The following ERBB4 variants were observed in gnomAD, a reference collection of about 807,000 sequenced individuals.
ERBB4 encodes the protein erb-b2 receptor tyrosine kinase 4.
ERBB4 carries 42 observed loss-of-function variants against 158.0 expected under a neutral mutation model. The observed-to-expected ratio is 0.27, with a 90% CI of 0.21 to 0.34. The LOEUF is 0.34. Ranked by LOEUF, ERBB4 falls within the 10% of genes least tolerant of loss-of-function variation. The pLI is 1.00. For synonymous variants in ERBB4, 583 were observed against 558.7 expected (o/e 1.04, Z -0.61); for missense variants, 1,333 against 1,624.1 (o/e 0.82, Z 3.08).
intron 2 of ERBB4, among the ~76,000 whole-genome samples, chr2:212,036,466 A>G (rs932820877): frequency 1.3e-5 from 2 of 148,276 alleles, no homozygotes; most frequent in African/African-American, 4.9e-5. Flanking sequence ...GGATAAATAC[A>G]TTCTTTTTTT....
At chr2:211,773,641 TATATATAATATATATAC>T (rs1559506471) in intron 4 of ERBB4, among the ~76,000 whole-genome samples, 3 of 87,656 alleles carry the variant, frequency 3.4e-5, no homozygotes, top group African/African-American at 1.3e-4. Flanking sequence ...TATATATATA[TATATATAATATATATAC>T]ACACACACAC....
intron 1 of ERBB4, among the ~76,000 whole-genome samples, chr2:212,213,256 A>G (rs1417625604): frequency 3.3e-5 from 5 of 152,086 alleles, no homozygotes; most frequent in Non-Finnish European, 7.4e-5. Flanking sequence ...GGAAAGGGAT[A>G]TGAACAGACA....
chr2:212,373,824 CATATAT>C (rs72314218), intron 1 of ERBB4, among the ~76,000 whole-genome samples: 12 of 75,060 alleles, frequency 1.6e-4, no homozygotes, highest in African/African-American at 5.0e-4. Flanking sequence ...TGTATATATC[CATATAT>C]ATATATATCC....
chr2:211,620,384 GA>G (rs1335394704), intron 18 of ERBB4, among the ~76,000 whole-genome samples: 3 of 151,986 alleles, frequency 2.0e-5, no homozygotes, highest in East Asian at 1.9e-4. Flanking sequence ...TAGTCATAAA[GA>G]AAAAAAATTC....
intron 2 of ERBB4, among the ~76,000 whole-genome samples, chr2:212,075,651 C>G (rs1482632280): frequency 6.6e-6 from 1 of 151,788 alleles, no homozygotes; most frequent in African/African-American, 2.4e-5. Context: ...TTATAAATTT[C>G]TTGAATGTAG....
chr2:211,477,391 T>G (rs2064981861), intron 20 of ERBB4, among the ~76,000 whole-genome samples: 2 of 152,208 alleles, frequency 1.3e-5, no homozygotes, highest in Admixed American at 1.3e-4. Context: ...TTGGTTTTGT[T>G]TCTCTGGAGA....
intron 1 of ERBB4, among the ~76,000 whole-genome samples, chr2:212,468,158 T>A (rs1052307745): frequency 6.6e-6 from 1 of 152,322 alleles, no homozygotes; most frequent in Middle Eastern, 3.4e-3. Context: ...CAGAAGGTAC[T>A]TGCCTTGTCT....
At chr2:212,124,951 T>G in intron 1 of ERBB4, 48 bp from the exon 2 acceptor site, 3 of 1,592,830 alleles carry the variant, frequency 1.9e-6, no homozygotes, top group Non-Finnish European at 2.6e-6. Context: ...CTTTATATGA[T>G]ATGCGCAATG....
intron 3 of ERBB4, among the ~76,000 whole-genome samples, chr2:211,929,185 G>T (rs776284060): frequency 1.3e-5 from 2 of 151,572 alleles, no homozygotes; most frequent in Non-Finnish European, 2.9e-5. Flanking sequence ...ACTGTGGCAG[G>T]TATCTCCACA....
intron 3 of ERBB4, among the ~76,000 whole-genome samples, chr2:211,858,189 T>C (rs573255396): frequency 6.6e-6 from 1 of 151,404 alleles, no homozygotes; most frequent in East Asian, 1.9e-4. Flanking sequence ...GGAGACAGAG[T>C]GCACAGTGAT....
At chr2:211,562,763 C>T (rs1173268758) in intron 19 of ERBB4, among the ~76,000 whole-genome samples, 2 of 143,960 alleles carry the variant, frequency 1.4e-5, no homozygotes, top group African/African-American at 5.5e-5. Flanking sequence ...AATTTGACTA[C>T]TCCAACTTTT....
intron 1 of ERBB4, among the ~76,000 whole-genome samples, chr2:212,466,440 A>G (rs555586798): frequency 6.6e-6 from 1 of 152,302 alleles, no homozygotes; most frequent in African/African-American, 2.4e-5. Context: ...GTGGGAGATG[A>G]CTGAATCACG....
chr2:211,703,353 C>T (rs1559436159), intron 11 of ERBB4, among the ~76,000 whole-genome samples: 1 of 152,134 alleles, frequency 6.6e-6, no homozygotes, highest in Non-Finnish European at 1.5e-5. Flanking sequence ...TTCTCCTTTA[C>T]ATTTTTAAAA....
At chr2:212,403,520 G>T (rs76626941) in intron 1 of ERBB4, among the ~76,000 whole-genome samples, 1 of 152,088 alleles carries the variant, frequency 6.6e-6, no homozygotes, top group East Asian at 1.9e-4. Flanking sequence ...AGTAAAATGT[G>T]TCATATACAT....
At chr2:212,163,785 T>G (rs2081271460) in intron 1 of ERBB4, among the ~76,000 whole-genome samples, 2 of 151,916 alleles carry the variant, frequency 1.3e-5, no homozygotes, top group Admixed American at 6.6e-5. Flanking sequence ...GTGCATGACA[T>G]ACTGATCAAT....
At chr2:212,043,472 A>G (rs1300841476) in intron 2 of ERBB4, among the ~76,000 whole-genome samples, 2 of 152,156 alleles carry the variant, frequency 1.3e-5, no homozygotes, top group African/African-American at 4.8e-5. Context: ...TGGTCTACTG[A>G]CAGATATTAA....
At chr2:212,375,483 G>C (rs1244446030) in intron 1 of ERBB4, among the ~76,000 whole-genome samples, 1 of 152,054 alleles carries the variant, frequency 6.6e-6, no homozygotes, top group Non-Finnish European at 1.5e-5. Flanking sequence ...CCACTTATGT[G>C]TGTGGTTCGT....
chr2:211,556,443 T>C lies in ERBB4; in HGVS notation c.2487+5460A>G, dbSNP rs190627873. Among the ~76,000 whole-genome samples, 3 of 152,312 alleles carry C rather than the reference T, an allele frequency of 2.0e-5. No homozygotes were observed. The East Asian group carries it at 5.8e-4, about 29-fold the overall frequency. Reference sequence around the variant, plus strand: ...TCAGCACTAGATTAAATGGATCTGATAGAAATCTACAGAAGTCTCCACCAA... The same window carrying C: ...TCAGCACTAGATTAAATGGATCTGACAGAAATCTACAGAAGTCTCCACCAA... On this transcript the variant is annotated intron_variant, in intron 20 of 27. Transcript: ENST00000342788.
intron 3 of ERBB4, among the ~76,000 whole-genome samples, chr2:211,860,685 C>T (rs1229156283): frequency 1.3e-5 from 2 of 151,216 alleles, no homozygotes; most frequent in Admixed American, 6.6e-5. Context: ...ATACTTAGTG[C>T]TATGTTACTG....
Sources: allele counts gnomAD v4.1 joint callset (sites outside exome capture counted in the v4.1 genomes callset), GRCh38; gene constraint gnomAD v4.1.1; transcripts MANE v1.5; gene names NCBI Gene and HGNC (gene_info 2026-07-23, HGNC 2026-07-21).